Variants in PLA2G4F observed in about 807,000 individuals in gnomAD.
PLA2G4F encodes phospholipase A2 group IVF.
Under a neutral mutation model 103.1 loss-of-function variants are expected in PLA2G4F, and 105 were observed. That is an observed-to-expected ratio of 1.02 (90% CI 0.87 to 1.20). PLA2G4F has a LOEUF of 1.20. PLA2G4F is among the 50% of genes most tolerant of loss of function. The pLI is 0.00. For missense variants in PLA2G4F, 1,155 were observed against 1,075.9 expected (o/e 1.07, Z -1.03); for synonymous variants, 468 against 441.1 (o/e 1.06, Z -0.76).
chr15:42,141,994 G>A lies in PLA2G4F; in HGVS notation c.2540C>T (p.Ala847Val), dbSNP rs1354758347. ...CGCTTCCTGCCTTGGTCAGGCCCCTGCCCTCTCCCGAGCCTGGTGCCGGTC... is the reference window on the plus strand; with the variant it reads ...CGCTTCCTGCCTTGGTCAGGCCCCTACCCTCTCCCGAGCCTGGTGCCGGTC... Reference protein sequence around the residue: ...ALDRHQARERAGA With the variant: ...ALDRHQARERVGA The change falls in exon 20 of 20, where the codon GCA becomes GTA. Residue 847 changes from alanine (A) to valine (V), a missense_variant. By Grantham distance (64) the Ala-to-Val change is moderately conservative (BLOSUM62 0). Around this residue, in one of 3 missense-constraint regions of PLA2G4F, gnomAD observed 782 missense variants for 692.9 expected, o/e 1.13. Coordinates refer to ENST00000397272, the MANE Select transcript of PLA2G4F (RefSeq NM_213600.4). The A allele has an allele frequency of 1.2e-6, 2 of 1,613,566 alleles. No homozygotes were observed. The highest frequency in any genetic ancestry group is 1.7e-6 in the Non-Finnish European group (2 of 1,179,880).
rs200735729 is a variant in PLA2G4F, at chr15:42,144,107, G to C, written c.2013C>G (p.Pro671=). 8.7e-5 allele frequency: 140 copies of C among 1,613,604 alleles called. 1 individual carries two copies. In the East Asian group the frequency reaches 1.4e-3, roughly 16 times the overall value. ...HPDAFPNQLT[P]MRDCLYLVDG... is the part of the protein sequence containing the mutation. ...CCACCAGGTACAGGCAGTCCCGCATGGGGGTGAGCTGGTTGGGGAAGGCGT... is the reference window on the plus strand; with the variant it reads ...CCACCAGGTACAGGCAGTCCCGCATCGGGGTGAGCTGGTTGGGGAAGGCGT... The change falls in exon 18 of 20, where the codon CCC becomes CCG. Residue 671 remains proline (P), a synonymous_variant. Coordinates refer to ENST00000397272, the MANE Select transcript of PLA2G4F (RefSeq NM_213600.4).
intron 11 of PLA2G4F, chr15:42,148,714 G>T (rs1051880716): frequency 1.0e-6 from 1 of 985,274 alleles, no homozygotes; most frequent in Non-Finnish European, 1.2e-6. Context: ...TCTCAGGATC[G>T]GAGGTGCCTG....
intron 18 of PLA2G4F, among the ~76,000 whole-genome samples, chr15:42,143,512 T>G (rs1212413062): frequency 6.6e-6 from 1 of 152,072 alleles, no homozygotes; most frequent in Non-Finnish European, 1.5e-5. Flanking sequence ...AGCACCCACA[T>G]GGGAATGGGG....
chr15:42,145,445 T>TC (rs2048871537), intron 16 of PLA2G4F, 130 bp downstream of exon 16: 2 of 909,650 alleles, frequency 2.2e-6, no homozygotes, highest in Admixed American at 4.1e-5. Flanking sequence ...AGAAGTCATT[T>TC]CCTCAGGACT....
rs769710297 is a variant in PLA2G4F at position 42,150,377 on chromosome 15, C to T, written c.881G>A (p.Gly294Glu). The change falls in exon 9 of 20, where the codon GGG becomes GAG. Residue 294 changes from glycine (G) to glutamate (E), a missense_variant. Gly to Glu is a moderately conservative substitution (Grantham distance 98, BLOSUM62 -2). Transcript: ENST00000397272. ...GQEEQCSVAL[G>E]EGQEVALSMK... ...GGCACCCAGACAGAGCCTTACCTCC[C>T]CCAGGGCCACAGAACACTGTTCCTC... 1.9e-6 allele frequency: 3 copies of T among 1,607,902 alleles called. No homozygotes were observed. The highest frequency in any genetic ancestry group is 1.3e-5 in the African/African-American group (1 of 74,800).
rs2048943644 is a variant in PLA2G4F, at chr15:42,150,381, G to C, written c.877C>G (p.Leu293Val). Residue 293 changes from leucine (L) to valine (V), a missense_variant, in exon 9 of 20, where the codon CTG (leucine) becomes GTG (valine). Leu to Val is a conservative substitution (Grantham distance 32, BLOSUM62 1). Around this residue, in one of 3 missense-constraint regions of PLA2G4F, gnomAD observed 370 missense variants for 364.9 expected, o/e 1.01. Transcript: ENST00000397272. ...LGQEEQCSVALGEGQEVALSM... is the reference protein window; with the variant it reads ...LGQEEQCSVAVGEGQEVALSM... ...CCCAGACAGAGCCTTACCTCCCCCA[G>C]GGCCACAGAACACTGTTCCTCCTGG... The C allele has an allele frequency of 6.2e-7, 1 of 1,609,176 alleles. No homozygotes were observed. Among genetic ancestry groups the C allele is most frequent in the Non-Finnish European group, 8.5e-7 (1 of 1,178,204 alleles).
rs573176161 is a variant in PLA2G4F at position 42,145,619 on chromosome 15, C to G, written c.1736G>C (p.Gly579Ala). 4 of 1,614,114 alleles carry G rather than the reference C, an allele frequency of 2.5e-6. No individual in the cohort carries two copies. Among genetic ancestry groups the G allele is most frequent in the Admixed American group, 1.7e-5 (1 of 60,024 alleles). The change falls in exon 16 of 20, where the codon GGC becomes GCC. Residue 579 changes from glycine to alanine, a missense_variant. Around this residue, in one of 3 missense-constraint regions of PLA2G4F, gnomAD observed 782 missense variants for 692.9 expected, o/e 1.13. Transcript: ENST00000397272. ...TCTGTACCACTCCAGGAAGCTGAGG[C>G]CCGAGCCGGCGGTCTTTAGGAAGAT... ...DEIFLKTAGS[G>A]LSFLEWYRGS... is the part of the protein sequence containing the mutation.
chr15:42,148,497 C>T (rs2048917434), intron 11 of PLA2G4F: 1 of 565,506 alleles, frequency 1.8e-6, no homozygotes, highest in Non-Finnish European at 2.2e-6. Flanking sequence ...CCCCCTCTAC[C>T]CAGTAGAAGT....
chr15:42,155,340 A>G (rs1192387398), intron 2 of PLA2G4F, among the ~76,000 whole-genome samples, 177 bp downstream of exon 2: 5 of 151,014 alleles, frequency 3.3e-5, no homozygotes, highest in African/African-American at 1.2e-4. Context: ...TTGCACTCAC[A>G]CATACTTGCA....
chr15:42,149,492 T>C (rs2048929959), intron 11 of PLA2G4F: 3 of 984,862 alleles, frequency 3.0e-6, no homozygotes, highest in East Asian at 1.1e-4. Flanking sequence ...AGCCACCTAG[T>C]CTGTGGGGTT....
intron 11 of PLA2G4F, chr15:42,148,552 A>G: frequency 2.2e-6 from 2 of 926,158 alleles, no homozygotes; most frequent in Non-Finnish European, 2.6e-6. Flanking sequence ...GCAACAATGA[A>G]ATCGATCTCT....
In PLA2G4F at chr15:42,142,521, C is replaced by T; in HGVS notation, c.2329+7G>A. On this transcript the variant is annotated splice_region_variant and intron_variant, in intron 19 of 19. Coordinates refer to ENST00000397272, the MANE Select transcript of PLA2G4F (RefSeq NM_213600.4). ...TGGGTCAGTCCCAGGCCTGGAGCTT[C>T]CCTTACCTGGGGCCAGGTGTGTGCG... 6.2e-7 allele frequency: 1 copy of T among 1,610,308 alleles called. No homozygotes were observed. The highest frequency in any genetic ancestry group is 2.2e-5 in the East Asian group (1 of 44,812).
chr15:42,144,380 C>T (rs903021734), intron 17 of PLA2G4F, 70 bp downstream of exon 17: 54 of 1,572,642 alleles, frequency 3.4e-5, no homozygotes, highest in Non-Finnish European at 4.4e-5. Flanking sequence ...AAAGCCAGCA[C>T]TGGCTCCAGT....
At chr15:42,142,326 C>T (rs1467111327) in intron 19 of PLA2G4F, 122 bp from the exon 20 acceptor site, 2 of 1,160,760 alleles carry the variant, frequency 1.7e-6, no homozygotes, top group Non-Finnish European at 2.4e-6. Context: ...CTGCTTGGGC[C>T]ACATCTCAGC....
At chr15:42,142,390 C>A (rs1453332363) in intron 19 of PLA2G4F, 138 bp downstream of exon 19, 3 of 1,204,354 alleles carry the variant, frequency 2.5e-6, no homozygotes, top group South Asian at 1.6e-5. Flanking sequence ...ACCCAGGGAG[C>A]AGAGGGCCAC....
In PLA2G4F at chr15:42,147,191, C is replaced by A. The variant is rs748808087; in HGVS notation, c.1352G>T (p.Arg451Leu). Residue 451 changes from arginine to leucine, a missense_variant, in exon 13 of 20, where the codon CGC becomes CTC. Physicochemically the swap from Arg to Leu is moderately radical, Grantham distance 102 (BLOSUM62 -2). Coordinates refer to ENST00000397272, the MANE Select transcript of PLA2G4F (RefSeq NM_213600.4). ...YYTQELGVRE[R>L]SGHSVSLIDL... is the part of the protein sequence containing the mutation. ...GATGAGGGACACGCTGTGGCCACTGCGCTCCCGGACCCCCAGTTCCTGAGT... is the reference window on the plus strand; with the variant it reads ...GATGAGGGACACGCTGTGGCCACTGAGCTCCCGGACCCCCAGTTCCTGAGT... The A allele has an allele frequency of 1.2e-6, 2 of 1,612,746 alleles. No individual in the cohort carries two copies. The highest frequency in any genetic ancestry group is 1.7e-6 in the Non-Finnish European group (2 of 1,179,966).
At position 42,147,696 on chromosome 15, in the gene PLA2G4F, G is replaced by T. The variant is rs368251693; in HGVS notation, c.1126C>A (p.Leu376Met). Reference protein sequence around the residue: ...TRAMSSLYGSLAGLQELGLLD... With the variant: ...TRAMSSLYGSMAGLQELGLLD... Reference sequence around the variant, plus strand: ...AGGCCGAGCTCCTGCAACCCTGCCAGGCTGCCGTACAGAGAAGACATGGCT... The same window carrying T: ...AGGCCGAGCTCCTGCAACCCTGCCATGCTGCCGTACAGAGAAGACATGGCT... The change falls in exon 12 of 20, where the codon CTG becomes ATG. Residue 376 changes from leucine to methionine, a missense_variant. Around this residue, in one of 3 missense-constraint regions of PLA2G4F, gnomAD observed 782 missense variants for 692.9 expected, o/e 1.13. Coordinates refer to ENST00000397272, the MANE Select transcript of PLA2G4F (RefSeq NM_213600.4). The T allele has an allele frequency of 6.2e-7, 1 of 1,614,074 alleles. No individual in the cohort carries two copies. The highest frequency in any genetic ancestry group is 8.5e-7 in the Non-Finnish European group (1 of 1,179,988).
chr15:42,153,494 C>A, intron 5 of PLA2G4F, 126 bp downstream of exon 5: 1 of 1,485,198 alleles, frequency 6.7e-7, no homozygotes, highest in South Asian at 1.2e-5. Flanking sequence ...AGATGGGTGT[C>A]AAGACCAGGC....
In PLA2G4F at chr15:42,148,995, G is replaced by A. The variant is rs56030609; in HGVS notation, c.1059+718C>T. 29,296 of 985,226 alleles carry A rather than the reference G, an allele frequency of 0.03. 3,044 individuals carry two copies. The African/African-American group carries it at 0.31, about 10-fold the overall frequency. The allele number at this position is 985,226 out of a possible 1,614,324, so 61.0% of individuals were successfully genotyped here. Reference sequence around the variant, plus strand: ...AGTGATAGCGTCTCCTGAGGACTCAGGCAGCCTGGAGGAAGCCGGCAGCCT... The same window carrying A: ...AGTGATAGCGTCTCCTGAGGACTCAAGCAGCCTGGAGGAAGCCGGCAGCCT... On this transcript the variant is annotated intron_variant, in intron 11 of 19. Transcript: ENST00000397272.
Sources: allele counts gnomAD v4.1 joint callset (sites outside exome capture counted in the v4.1 genomes callset), GRCh38; gene constraint gnomAD v4.1.1; regional missense constraint gnomAD v4.1.1; transcripts MANE v1.5; gene names NCBI Gene and HGNC (gene_info 2026-07-23, HGNC 2026-07-21).